ZFHX3: variants seen among roughly 807,000 people sequenced by gnomAD.
ZFHX3 encodes zinc finger homeobox 3.
A neutral mutation model predicts 279.1 loss-of-function variants in ZFHX3; 42 were observed. The ratio of observed to expected loss-of-function variants is 0.15; its 90% CI spans 0.12 to 0.19. The LOEUF (loss-of-function observed/expected upper bound fraction) is 0.19. Ranked by LOEUF, ZFHX3 falls within the 10% of genes least tolerant of loss-of-function variation. The pLI is 1.00. For synonymous variants in ZFHX3, 2,293 were observed against 1,957.8 expected, an observed-to-expected ratio of 1.17 and a Z score of -4.52; for missense variants, 4,981 against 4,754.0, an observed-to-expected ratio of 1.05 and a Z score of -1.40.
At chr16:72,953,833 T>C (rs923530814) in intron 2 of ZFHX3, among the ~76,000 whole-genome samples, 1 of 152,152 alleles carries the variant, frequency 6.6e-6, no homozygotes, top group African/African-American at 2.4e-5. Flanking sequence ...TCCCACAGTG[T>C]TGGGATTACA....
At chr16:73,129,200 C>T (rs902028307) in intron 7 of ZFHX3, among the ~76,000 whole-genome samples, 2 of 152,018 alleles carry the variant, frequency 1.3e-5, no homozygotes, top group Non-Finnish European at 2.9e-5. Context: ...CCAGCCTGGC[C>T]AACACGGCGA....
chr16:73,772,970 G>C (rs973754036), intron 1 of ZFHX3, among the ~76,000 whole-genome samples: 1 of 152,118 alleles, frequency 6.6e-6, no homozygotes, highest in Non-Finnish European at 1.5e-5. Flanking sequence ...TTTGTTTTTG[G>C]TCTCAGCTCC....
At chr16:72,809,107 C>T (rs1338639630) in intron 7 of ZFHX3, among the ~76,000 whole-genome samples, 1 of 152,138 alleles carries the variant, frequency 6.6e-6, no homozygotes, top group African/African-American at 2.4e-5. Flanking sequence ...ATTTACCTTG[C>T]TATTGCTATT....
chr16:73,486,225 C>T (rs560497557), intron 2 of ZFHX3, among the ~76,000 whole-genome samples: 45 of 152,298 alleles, frequency 3.0e-4, no homozygotes, highest in East Asian at 1.7e-3. Context: ...AGGGCATACA[C>T]GGAGTAAATG....
At chr16:73,429,397 A>G (rs1597332323) in intron 3 of ZFHX3, among the ~76,000 whole-genome samples, 1 of 152,056 alleles carries the variant, frequency 6.6e-6, no homozygotes, top group South Asian at 2.1e-4. Context: ...TAGTGGTGCA[A>G]TCTCGACTCA....
intron 2 of ZFHX3, chr16:73,504,757 G>C (rs545283157): frequency 6.6e-6 from 1 of 152,386 alleles, no homozygotes; most frequent in African/African-American, 2.4e-5. Flanking sequence ...AAAGCTATCA[G>C]GATCTTCCCA....
At chr16:73,058,420 G>T in intron 1 of ZFHX3, 1 of 181,828 alleles carries the variant, frequency 5.5e-6, no homozygotes. Context: ...ATGCAAAGCA[G>T]CCCGGGCGCC....
chr16:73,534,815 A>G (rs1315798419), intron 2 of ZFHX3, among the ~76,000 whole-genome samples: 1 of 152,248 alleles, frequency 6.6e-6, no homozygotes, highest in Admixed American at 6.5e-5. Context: ...AGACAAATGA[A>G]TAATCACCAG....
intron 7 of ZFHX3, among the ~76,000 whole-genome samples, chr16:73,107,204 G>T (rs548010173): frequency 4.9e-4 from 75 of 152,046 alleles, no homozygotes; most frequent in South Asian, 3.9e-3. Flanking sequence ...CAGCTACTCG[G>T]GACTCTGAGG....
chr16:73,007,697 G>A (rs957134410), intron 1 of ZFHX3, among the ~76,000 whole-genome samples: 3 of 151,968 alleles, frequency 2.0e-5, no homozygotes, highest in East Asian at 1.9e-4. Context: ...CACCCGCCGC[G>A]GCCTCCCAAA....
chr16:73,306,223 G>T (rs930978854), intron 4 of ZFHX3, among the ~76,000 whole-genome samples: 3 of 152,110 alleles, frequency 2.0e-5, no homozygotes, highest in African/African-American at 7.2e-5. Flanking sequence ...CAAATAGTTT[G>T]TTCTTTGTTC....
chr16:72,807,991 A>C (rs932467627), intron 7 of ZFHX3: 1 of 152,210 alleles, frequency 6.6e-6, no homozygotes, highest in Non-Finnish European at 1.5e-5. Context: ...AGCCCTGATT[A>C]GAGGGGCATT....
At chr16:73,645,425 T>A (rs2052609887) in intron 2 of ZFHX3, among the ~76,000 whole-genome samples, 1 of 152,034 alleles carries the variant, frequency 6.6e-6, no homozygotes, top group African/African-American at 2.4e-5. Flanking sequence ...CCCGGCTAAT[T>A]TTTTGTATTT....
intron 5 of ZFHX3, among the ~76,000 whole-genome samples, chr16:73,248,794 A>G (rs1567430028): frequency 6.6e-6 from 1 of 152,128 alleles, no homozygotes; most frequent in Non-Finnish European, 1.5e-5. Context: ...GTTGCATTCG[A>G]TCCTTATATT....
At chr16:73,494,295 G>C (rs1413892629) in intron 2 of ZFHX3, among the ~76,000 whole-genome samples, 2 of 152,144 alleles carry the variant, frequency 1.3e-5, no homozygotes, top group Non-Finnish European at 2.9e-5. Context: ...AGGAAAGAGG[G>C]GGCAGCCTCC....
chr16:73,604,547 C>T (rs1157912643), intron 2 of ZFHX3, among the ~76,000 whole-genome samples: 3 of 152,012 alleles, frequency 2.0e-5, no homozygotes, highest in Non-Finnish European at 4.4e-5. Context: ...AGTTCAATAC[C>T]AGCCTGGCCA....
chr16:73,764,872 C>CT (rs1223279013), intron 1 of ZFHX3, among the ~76,000 whole-genome samples: 1 of 152,182 alleles, frequency 6.6e-6, no homozygotes, highest in Non-Finnish European at 1.5e-5. Flanking sequence ...ACCTATGCGT[C>CT]TTGGATTTGA....
chr16:73,260,690 T>TG (rs71297491), intron 4 of ZFHX3, among the ~76,000 whole-genome samples: 36,259 of 129,444 alleles, frequency 0.28, 6,104 homozygotes, highest in Non-Finnish European at 0.38. Context: ...GTTTTTTTTT[T>TG]TTTTTTTTTT....
intron 5 of ZFHX3, among the ~76,000 whole-genome samples, chr16:73,228,980 T>G (rs1185822181): frequency 6.6e-6 from 1 of 152,188 alleles, no homozygotes; most frequent in Non-Finnish European, 1.5e-5. Context: ...GTGGTCTCCA[T>G]GGACTTTACC....
Sources: gnomAD v4.1 joint callset for allele counts (sites outside exome capture counted in the v4.1 genomes callset) on GRCh38, gnomAD v4.1.1 for gene constraint, MANE v1.5 for transcripts, NCBI Gene and HGNC (gene_info 2026-07-23, HGNC 2026-07-21) for gene names.